FHOD3: variants seen among roughly 807,000 people sequenced by gnomAD.
FHOD3 encodes the protein formin homology 2 domain containing 3, also known as FH1/FH2 domain-containing protein 3.
FHOD3 carries 90 observed loss-of-function variants against 173.0 expected under a neutral mutation model. That is an observed-to-expected ratio of 0.52 (90% CI 0.44 to 0.62). FHOD3 has a LOEUF of 0.62. Ranked by LOEUF, FHOD3 falls within the 20% of genes least tolerant of loss-of-function variation. The probability of loss-of-function intolerance (pLI) is 0.00; values close to 1 mark genes in which losing one functional copy is unlikely to be tolerated. For missense variants in FHOD3, 1,945 were observed against 2,034.7 expected, an observed-to-expected ratio of 0.96 and a Z score of 0.85; for synonymous variants, 828 against 823.0, an observed-to-expected ratio of 1.01 and a Z score of -0.10.
chr18:36,498,178 A>G (rs571380168), intron 3 of FHOD3, among the ~76,000 whole-genome samples: 1 of 147,010 alleles, frequency 6.8e-6, no homozygotes, highest in Admixed American at 6.7e-5. Context: ...AATGAAAACA[A>G]TATATCAAAA....
At chr18:36,647,516 A>C (rs2035770992) in intron 10 of FHOD3, among the ~76,000 whole-genome samples, 1 of 140,262 alleles carries the variant, frequency 7.1e-6, no homozygotes, top group Non-Finnish European at 1.6e-5. Flanking sequence ...ATGGTAATTC[A>C]TCCCATCATT....
Position 36,649,322 on chromosome 18 carries a change from G to A in FHOD3, c.1203G>A (p.Glu401=), listed in dbSNP as rs991736681. The stretch of plus-strand genomic sequence containing the variant: ...TTTCCTGGCTTTGTCTCAGGGAGGA[G>A]GAGGAGGAAGAGGAGCAGCCAATCA... The part of the protein sequence containing the change: ...NQVRDLREKE[E]EEEEEQPITE... The change falls in exon 11 of 29, where the codon GAG becomes GAA. Residue 401 remains glutamate (E), a synonymous_variant. Coordinates refer to ENST00000590592, the MANE Select transcript of FHOD3 (RefSeq NM_001281740.3). The A allele has an allele frequency of 2.0e-6, 3 of 1,535,744 alleles. No homozygotes were observed. Among genetic ancestry groups the A allele is most frequent in the Non-Finnish European group, 2.6e-6 (3 of 1,146,672 alleles).
chr18:36,421,254 A>G (rs1484687241), intron 3 of FHOD3, among the ~76,000 whole-genome samples: 1 of 152,244 alleles, frequency 6.6e-6, no homozygotes, highest in African/African-American at 2.4e-5. Flanking sequence ...GTGTAGGGAA[A>G]TACACACAAA....
At chr18:36,659,852 T>C (rs567943248) in intron 14 of FHOD3, among the ~76,000 whole-genome samples, 1 of 152,312 alleles carries the variant, frequency 6.6e-6, no homozygotes, top group Admixed American at 6.5e-5. Flanking sequence ...GAATCCCAGG[T>C]CCAGGTTTGG....
chr18:36,613,257 C>T (rs1052689156), intron 9 of FHOD3, among the ~76,000 whole-genome samples: 30 of 152,262 alleles, frequency 2.0e-4, no homozygotes, highest in African/African-American at 7.0e-4. Flanking sequence ...TTGTACCTCT[C>T]TCCTCTGCTG....
chr18:36,684,923 C>T (rs1568604238), intron 15 of FHOD3, among the ~76,000 whole-genome samples: 1 of 152,150 alleles, frequency 6.6e-6, no homozygotes, highest in African/African-American at 2.4e-5. Context: ...CTACCTCAGC[C>T]TCCCAAATAG....
At chr18:36,422,951 C>T (rs62086167) in intron 3 of FHOD3, among the ~76,000 whole-genome samples, 32 of 152,132 alleles carry the variant, frequency 2.1e-4, no homozygotes, top group Admixed American at 3.9e-4. Context: ...AGAAAGGAAA[C>T]CTCCCAGCAA....
chr18:36,675,352 T>G (rs1407776868), intron 14 of FHOD3, among the ~76,000 whole-genome samples: 3 of 152,128 alleles, frequency 2.0e-5, no homozygotes, highest in Non-Finnish European at 4.4e-5. Flanking sequence ...GCATCTTTTT[T>G]TTTTTCTCCC....
chr18:36,461,281 C>T (rs2052534427), intron 3 of FHOD3, among the ~76,000 whole-genome samples: 1 of 152,160 alleles, frequency 6.6e-6, no homozygotes, highest in Non-Finnish European at 1.5e-5. Context: ...CTCACTTGTT[C>T]CTGAAGGGAG....
At chr18:36,425,142 G>A (rs980626799) in intron 3 of FHOD3, among the ~76,000 whole-genome samples, 19 of 151,700 alleles carry the variant, frequency 1.3e-4, no homozygotes, top group Admixed American at 3.3e-4. Context: ...TTGAGAGAGA[G>A]ACTGCATTCA....
At chr18:36,742,310 G>C (rs919827156) in intron 21 of FHOD3, among the ~76,000 whole-genome samples, 9 of 152,194 alleles carry the variant, frequency 5.9e-5, no homozygotes, top group African/African-American at 2.2e-4. Context: ...GCCTTGAGGG[G>C]AGGAGGAGGC....
At chr18:36,713,603 A>C (rs754569365) in intron 18 of FHOD3, among the ~76,000 whole-genome samples, 1 of 152,240 alleles carries the variant, frequency 6.6e-6, no homozygotes, top group Non-Finnish European at 1.5e-5. Flanking sequence ...ATCAGTAGGG[A>C]AATTATAGTT....
intron 3 of FHOD3, among the ~76,000 whole-genome samples, chr18:36,405,564 AG>A (rs2049014895): frequency 6.6e-6 from 1 of 152,202 alleles, no homozygotes; most frequent in African/African-American, 2.4e-5. Flanking sequence ...ATCTCAAGGT[AG>A]GATTTCTTGA....
chr18:36,352,007 C>T (rs1164352427), intron 1 of FHOD3, among the ~76,000 whole-genome samples: 2 of 152,124 alleles, frequency 1.3e-5, no homozygotes, highest in Non-Finnish European at 2.9e-5. Flanking sequence ...TTAGGTACCT[C>T]AACTGAATGG....
chr18:36,418,383 G>T (rs953092974), intron 3 of FHOD3, among the ~76,000 whole-genome samples: 17 of 152,172 alleles, frequency 1.1e-4, no homozygotes, highest in African/African-American at 3.6e-4. Flanking sequence ...TTGAAATTTT[G>T]TAGGAAGCTC....
intron 14 of FHOD3, among the ~76,000 whole-genome samples, chr18:36,668,985 T>C (rs1057019844): frequency 6.6e-6 from 1 of 152,118 alleles, no homozygotes; most frequent in Middle Eastern, 3.4e-3. Flanking sequence ...TCTGTAGATG[T>C]CTATTTGGTT....
intron 5 of FHOD3, among the ~76,000 whole-genome samples, chr18:36,540,659 G>C (rs1461048738): frequency 6.6e-6 from 1 of 152,188 alleles, no homozygotes; most frequent in Non-Finnish European, 1.5e-5. Context: ...AGTATAGGGG[G>C]AGAAGGGAGA....
chr18:36,662,472 C>G (rs543095219), intron 14 of FHOD3, among the ~76,000 whole-genome samples: 1 of 152,220 alleles, frequency 6.6e-6, no homozygotes, highest in Non-Finnish European at 1.5e-5. Flanking sequence ...ATTCTGTTCT[C>G]TTTTCCACTT....
chr18:36,540,076 A>G (rs1289637256), intron 5 of FHOD3, among the ~76,000 whole-genome samples: 2 of 152,226 alleles, frequency 1.3e-5, no homozygotes, highest in East Asian at 3.8e-4. Flanking sequence ...TTCCTCGATG[A>G]CACACATAAG....
Sources: gnomAD v4.1 joint callset for allele counts (sites outside exome capture counted in the v4.1 genomes callset) on GRCh38, gnomAD v4.1.1 for gene constraint, MANE v1.5 for transcripts, NCBI Gene and HGNC (gene_info 2026-07-23, HGNC 2026-07-21) for gene names.